The following POLN variants were observed in gnomAD, a reference collection of about 807,000 sequenced individuals.
The protein encoded by POLN is DNA polymerase N.
A neutral mutation model predicts 113.5 loss-of-function variants in POLN; 108 were observed. That is an observed-to-expected ratio of 0.95 (90% CI 0.81 to 1.12). POLN has a LOEUF of 1.12. Among genes scored for constraint, POLN ranks in the 50% most tolerant of loss-of-function variants. The pLI, the probability that POLN is intolerant of heterozygous loss-of-function variation, is 0.00. For missense variants in POLN, 1,097 were observed against 1,077.1 expected, an observed-to-expected ratio of 1.02 and a Z score of -0.26; for synonymous variants, 386 against 391.5, an observed-to-expected ratio of 0.99 and a Z score of 0.17.
intron 2 of POLN, chr4:2,240,536 T>C (rs756688016): frequency 1.2e-6 from 2 of 1,613,810 alleles, no homozygotes; most frequent in East Asian, 4.5e-5. Context: ...CTTTAGCATT[T>C]AACCTCAGAG....
chr4:2,177,272 T>A, intron 8 of POLN: 1 of 479,912 alleles, frequency 2.1e-6, no homozygotes, highest in South Asian at 1.5e-5. Context: ...AAATCTTCTC[T>A]GGCTCCCCAC....
intron 6 of POLN, among the ~76,000 whole-genome samples, chr4:2,195,684 A>C (rs1733555996): frequency 6.6e-6 from 1 of 151,932 alleles, no homozygotes; most frequent in Non-Finnish European, 1.5e-5. Context: ...GGGTCTCACT[A>C]TGTTGCTCAG....
chr4:2,159,193 G>A lies in POLN; in HGVS notation c.1573C>T (p.Leu525Phe), dbSNP rs745702154. 1.9e-5 allele frequency: 31 copies of A among 1,608,416 alleles called. No homozygotes were observed. The highest frequency in any genetic ancestry group is 1.2e-4 in the Admixed American group (7 of 59,430). Residue 525 changes from leucine (L) to phenylalanine (F), a missense_variant, in exon 14 of 26, where the codon CTT (leucine) becomes TTT (phenylalanine). By Grantham distance (22) the Leu-to-Phe change is conservative. Transcript: ENST00000511885. ...SEAVLNALRD[L>F]HPLPKIILEY... is the part of the protein sequence containing the mutation. Reference sequence around the variant, plus strand: ...AAAATTATCTTGGGTAATGGATGAAGGTCTCGCAGAGCATTTAACTAAACA... The same window carrying A: ...AAAATTATCTTGGGTAATGGATGAAAGTCTCGCAGAGCATTTAACTAAACA...
rs2108726205 is a variant in POLN at position 2,131,225 on chromosome 4, T to C, written c.1789+8A>G. The C allele has an allele frequency of 1.3e-6, 2 of 1,569,260 alleles. No homozygotes were observed. Among genetic ancestry groups the C allele is most frequent in the Non-Finnish European group, 1.8e-6 (2 of 1,142,088 alleles). On this transcript the variant is annotated splice_region_variant and intron_variant, in intron 17 of 25. Coordinates refer to ENST00000511885, the MANE Select transcript of POLN (RefSeq NM_181808.4). ...GAGACTTTAGCAAGGTAGTAAGAAA[T>C]GAGTTACCTTTAAAATTCTTAGGTG...
At chr4:2,229,529 T>C (rs1734501601) in intron 2 of POLN, 2 of 214,128 alleles carry the variant, frequency 9.3e-6, no homozygotes, top group East Asian at 2.2e-4. Context: ...AAAATGTTAT[T>C]AAATCTTCAA....
At chr4:2,207,481 C>T (rs564885323) in intron 5 of POLN, among the ~76,000 whole-genome samples, 7 of 151,602 alleles carry the variant, frequency 4.6e-5, no homozygotes, top group Admixed American at 6.6e-5. Context: ...AATTGGGAGA[C>T]GTATAAATAA....
At chr4:2,081,136 C>A in intron 22 of POLN, 100 bp from the exon 23 acceptor site, 2 of 1,603,490 alleles carry the variant, frequency 1.2e-6, no homozygotes, top group Non-Finnish European at 1.7e-6. Flanking sequence ...TACCTCCACA[C>A]AGAGGTGCTG....
At chr4:2,118,032 T>C (rs1048129313) in intron 19 of POLN, among the ~76,000 whole-genome samples, 2 of 152,268 alleles carry the variant, frequency 1.3e-5, no homozygotes, top group African/African-American at 4.8e-5. Flanking sequence ...CTTACCTATT[T>C]GACTTTAGTC....
intron 3 of POLN, among the ~76,000 whole-genome samples, chr4:2,218,125 G>A (rs1307985733): frequency 4.6e-5 from 7 of 151,770 alleles, no homozygotes; most frequent in Admixed American, 4.6e-4. Flanking sequence ...AGTCTCTTGG[G>A]GAAAAATAAA....
chr4:2,148,672 CAAAA>C lies in POLN; in HGVS notation c.1731+8112_1731+8115del, dbSNP rs67970031. 2.3e-3 allele frequency among the ~76,000 whole-genome samples: 343 copies of C among 149,432 alleles called. 1 individual carries two copies. Among genetic ancestry groups the C allele is most frequent in the African/African-American group, 8.0e-3 (324 of 40,512 alleles). On this transcript the variant is annotated intron_variant, in intron 16 of 25. Transcript: ENST00000511885. ...ACAGAGCGAGACTCTGTCCCCCCCC[CAAAA>C]AAAAAAAGTATGTGAATAAATAATC...
rs1411421842 is a variant in POLN at position 2,131,284 on chromosome 4, G to A, written c.1738C>T (p.Gln580Ter). 2 of 1,579,768 alleles carry A rather than the reference G, an allele frequency of 1.3e-6. No homozygotes were observed. The highest frequency in any genetic ancestry group is 1.7e-6 in the Non-Finnish European group (2 of 1,150,686). ...GRLSAKHPNI[Q>*]GISKHPIQIT... ...TGAATTGGGTGCTTGGAGATACCTT[G>A]GATATTCTGTTAATAATAAGAGACT... The change falls in exon 17 of 26, where the codon CAA becomes TAA. Residue 580 changes from glutamine to a stop codon, truncating the protein, a stop_gained. Coordinates refer to ENST00000511885, the MANE Select transcript of POLN (RefSeq NM_181808.4). LOFTEE classifies it high-confidence loss of function.
At chr4:2,188,410 C>G (rs1733335786) in intron 7 of POLN, among the ~76,000 whole-genome samples, 1 of 152,116 alleles carries the variant, frequency 6.6e-6, no homozygotes, top group Non-Finnish European at 1.5e-5. Context: ...ACCATCCTGG[C>G]TAACACAGTG....
rs73796538 is a variant in POLN at position 2,173,489 on chromosome 4, T to A, written c.1374+466A>T. ...TACTGTATGTTTGCACCCTTTAGCCTGCTTCTCTTCATCTTTGCCCCGCCC... is the reference window on the plus strand; with the variant it reads ...TACTGTATGTTTGCACCCTTTAGCCAGCTTCTCTTCATCTTTGCCCCGCCC... On this transcript the variant is annotated intron_variant, in intron 11 of 25. Coordinates refer to ENST00000511885, the MANE Select transcript of POLN (RefSeq NM_181808.4). Among the ~76,000 whole-genome samples, 342 of 106,768 alleles carry A rather than the reference T, an allele frequency of 3.2e-3. 1 individual carries two copies. The highest frequency in any genetic ancestry group is 9.9e-3 in the African/African-American group (323 of 32,596). The allele number at this position is 106,768 out of a possible 152,430, so 70.0% of individuals were successfully genotyped here.
chr4:2,081,544 C>G (rs1176335216), intron 22 of POLN, 89 bp downstream of exon 22: 4 of 1,243,364 alleles, frequency 3.2e-6, no homozygotes, highest in East Asian at 4.9e-5. Flanking sequence ...AATACCGCAA[C>G]AGTGATCGGT....
intron 19 of POLN, among the ~76,000 whole-genome samples, chr4:2,112,235 T>G (rs543743391): frequency 1.3e-3 from 198 of 152,264 alleles, no homozygotes; most frequent in African/African-American, 4.6e-3. Flanking sequence ...AAAAATTAAT[T>G]CAAGATGGAT....
At chr4:2,215,211 A>G (rs1734083213) in intron 3 of POLN, among the ~76,000 whole-genome samples, 1 of 152,244 alleles carries the variant, frequency 6.6e-6, no homozygotes, top group African/African-American at 2.4e-5. Flanking sequence ...GCCACTAAAA[A>G]GAATGACCTT....
chr4:2,159,843 T>A (rs1007586590), intron 13 of POLN, among the ~76,000 whole-genome samples: 1 of 152,218 alleles, frequency 6.6e-6, no homozygotes, highest in Non-Finnish European at 1.5e-5. Context: ...TTTGCACGGC[T>A]GTGTAGTATT....
In POLN at chr4:2,171,102, C is replaced by A. The variant is rs374071072; in HGVS notation, c.1454G>T (p.Arg485Leu). The A allele has an allele frequency of 8.7e-6, 14 of 1,611,128 alleles. No individual in the cohort carries two copies. Among genetic ancestry groups the A allele is most frequent in the African/African-American group, 1.3e-5 (1 of 74,796 alleles). Residue 485 changes from arginine (R) to leucine (L), a missense_variant, in exon 12 of 26, where the codon CGA becomes CTA. By Grantham distance (102) the Arg-to-Leu change is moderately radical. Transcript: ENST00000511885. ...AGAACCAAAATTCAGCTTTACCTCT[C>A]GAAGCTGGTTATTGCTCGTTATAAG... ...RFLITSNNQL[R>L]EILFGKLKLH...
At chr4:2,211,745 A>G (rs1419948230) in intron 4 of POLN, among the ~76,000 whole-genome samples, 3 of 151,980 alleles carry the variant, frequency 2.0e-5, no homozygotes, top group Non-Finnish European at 4.4e-5. Context: ...AGGTGGAGGT[A>G]GAGATTGCAG....
Sources: gnomAD v4.1 joint callset for allele counts (sites outside exome capture counted in the v4.1 genomes callset) on GRCh38, gnomAD v4.1.1 for gene constraint, MANE v1.5 for transcripts, NCBI Gene and HGNC (gene_info 2026-07-23, HGNC 2026-07-21) for gene names.